Variants in CNTNAP2 observed in about 807,000 individuals in gnomAD.
The protein encoded by CNTNAP2 is contactin associated protein 2.
In CNTNAP2, 98 loss-of-function variants were observed where a neutral mutation model predicts 155.2. The ratio of observed to expected loss-of-function variants is 0.63; its 90% CI spans 0.54 to 0.75. The LOEUF is 0.75. CNTNAP2 is among the 30% of genes least tolerant of loss of function. CNTNAP2 has a pLI of 0.00. For missense variants in CNTNAP2, 1,727 were observed against 1,688.1 expected (o/e 1.02, Z -0.40); for synonymous variants, 651 against 631.2 (o/e 1.03, Z -0.47).
intron 1 of CNTNAP2, among the ~76,000 whole-genome samples, chr7:146,433,722 G>A (rs548841408): frequency 2.0e-5 from 3 of 152,056 alleles, no homozygotes; most frequent in South Asian, 2.1e-4. Flanking sequence ...GTGGAGTGTC[G>A]TACAGACAAC....
At chr7:146,937,311 A>G (rs918928797) in intron 3 of CNTNAP2, among the ~76,000 whole-genome samples, 6 of 151,434 alleles carry the variant, frequency 4.0e-5, no homozygotes, top group Admixed American at 1.3e-4. Context: ...TGATCACGCC[A>G]CTGCACTCCA....
At chr7:146,903,889 G>A (rs1182628983) in intron 3 of CNTNAP2, among the ~76,000 whole-genome samples, 8 of 152,040 alleles carry the variant, frequency 5.3e-5, no homozygotes, top group Non-Finnish European at 1.0e-4. Flanking sequence ...CATTAAAAAA[G>A]ATAAATTGGT....
chr7:148,073,727 C>G (rs1803423464), intron 15 of CNTNAP2, among the ~76,000 whole-genome samples: 1 of 151,518 alleles, frequency 6.6e-6, no homozygotes, highest in Admixed American at 6.6e-5. Context: ...TACAGCTGAC[C>G]CTTGAACAAC....
chr7:147,643,520 A>G (rs991256550), intron 13 of CNTNAP2: 2 of 152,236 alleles, frequency 1.3e-5, no homozygotes, highest in African/African-American at 4.8e-5. Context: ...TTTGTGTTTT[A>G]AAGAAGCTAA....
At position 147,082,804 on chromosome 7, in the gene CNTNAP2, G is replaced by A. The variant is rs538143214; in HGVS notation, c.551-25343G>A. ...AAGTGTCAGGGTGGAACAGATCTCA[G>A]GAATTAGTTGACCCACTGACCTGAT... On this transcript the variant is annotated intron_variant, in intron 4 of 23. Coordinates refer to ENST00000361727, the MANE Select transcript of CNTNAP2 (RefSeq NM_014141.6). The A allele has an allele frequency of 1.2e-4, 18 of 152,300 alleles. No individual in the cohort carries two copies. In the East Asian group the frequency reaches 3.1e-3, roughly 26 times the overall value. 9.4% of individuals were successfully genotyped at this position (152,300 alleles called of 1,614,324 possible).
intron 8 of CNTNAP2, among the ~76,000 whole-genome samples, chr7:147,193,729 T>C (rs1031882811): frequency 2.0e-5 from 3 of 151,948 alleles, no homozygotes; most frequent in African/African-American, 4.8e-5. Context: ...ACCTCAGACA[T>C]AAAGAATACC....
chr7:147,095,390 T>A (rs928454593), intron 4 of CNTNAP2, among the ~76,000 whole-genome samples: 17 of 152,118 alleles, frequency 1.1e-4, no homozygotes, highest in Non-Finnish European at 2.1e-4. Context: ...TTCACCATCA[T>A]AACCTAATCA....
chr7:146,474,221 T>G (rs1796840738), intron 1 of CNTNAP2, among the ~76,000 whole-genome samples: 1 of 150,890 alleles, frequency 6.6e-6, no homozygotes, highest in East Asian at 1.9e-4. Context: ...TTTTTTTTTA[T>G]TTTATTAACC....
chr7:147,797,252 T>C (rs1797912143), intron 13 of CNTNAP2, among the ~76,000 whole-genome samples: 1 of 152,214 alleles, frequency 6.6e-6, no homozygotes, highest in Non-Finnish European at 1.5e-5. Context: ...TTATTCATGA[T>C]ACTGTATTAT....
At chr7:148,110,340 G>A (rs1008408055) in intron 15 of CNTNAP2, among the ~76,000 whole-genome samples, 1 of 151,886 alleles carries the variant, frequency 6.6e-6, no homozygotes, top group Non-Finnish European at 1.5e-5. Flanking sequence ...CCTGGAGGTC[G>A]GCTTCCTCAG....
chr7:147,199,403 T>C (rs1317620695), intron 8 of CNTNAP2, among the ~76,000 whole-genome samples: 1 of 152,298 alleles, frequency 6.6e-6, no homozygotes, highest in East Asian at 1.9e-4. Flanking sequence ...ACTTAAGTGA[T>C]AGATATTAAG....
intron 13 of CNTNAP2, among the ~76,000 whole-genome samples, chr7:147,771,999 T>C (rs1277757181): frequency 2.0e-5 from 3 of 152,100 alleles, no homozygotes; most frequent in African/African-American, 7.2e-5. Context: ...ATTCCCTTTT[T>C]CATAAAGACA....
At chr7:148,164,603 TTCTC>T (rs1201059262) in intron 17 of CNTNAP2, among the ~76,000 whole-genome samples, 2 of 147,542 alleles carry the variant, frequency 1.4e-5, no homozygotes, top group African/African-American at 5.0e-5. Context: ...GTGCTTTCTT[TTCTC>T]TCTCTTTTTT....
intron 21 of CNTNAP2, among the ~76,000 whole-genome samples, chr7:148,317,857 C>A (rs1402119291): frequency 6.6e-6 from 1 of 152,102 alleles, no homozygotes; most frequent in Non-Finnish European, 1.5e-5. Context: ...CCACGCCCGG[C>A]TAATTTTTTG....
At chr7:146,299,262 A>C (rs1800565534) in intron 1 of CNTNAP2, among the ~76,000 whole-genome samples, 1 of 152,046 alleles carries the variant, frequency 6.6e-6, no homozygotes, top group Admixed American at 6.6e-5. Context: ...CACGAGCAAA[A>C]CTCCATCTAA....
chr7:146,581,718 T>C (rs1798614015), intron 1 of CNTNAP2, among the ~76,000 whole-genome samples: 1 of 152,076 alleles, frequency 6.6e-6, no homozygotes, highest in Admixed American at 6.6e-5. Flanking sequence ...ACATTTTTCA[T>C]ATAAAATTAG....
intron 1 of CNTNAP2, among the ~76,000 whole-genome samples, chr7:146,509,128 C>T (rs990949361): frequency 3.9e-5 from 6 of 152,146 alleles, no homozygotes; most frequent in Admixed American, 1.3e-4. Context: ...CTCGGGTATT[C>T]GGATCAAACA....
intron 1 of CNTNAP2, among the ~76,000 whole-genome samples, chr7:146,214,031 G>A (rs746372785): frequency 6.6e-6 from 1 of 152,284 alleles, no homozygotes; most frequent in East Asian, 1.9e-4. Flanking sequence ...AGGCTTCATT[G>A]TGAAGTCAAC....
At chr7:148,169,161 A>G (rs1379304695) in intron 17 of CNTNAP2, among the ~76,000 whole-genome samples, 1 of 152,246 alleles carries the variant, frequency 6.6e-6, no homozygotes. Context: ...AAAGCGAAGA[A>G]CACAAAGAAA....
Sources: gnomAD v4.1 joint callset for allele counts (sites outside exome capture counted in the v4.1 genomes callset) on GRCh38, gnomAD v4.1.1 for gene constraint, MANE v1.5 for transcripts, NCBI Gene and HGNC (gene_info 2026-07-23, HGNC 2026-07-21) for gene names.